Variants in VPS13B observed in about 807,000 individuals in gnomAD.
The protein encoded by VPS13B is intermembrane lipid transfer protein VPS13B.
In VPS13B, 285 loss-of-function variants were observed where a neutral mutation model predicts 426.4. That is an observed-to-expected ratio of 0.67 (90% CI 0.61 to 0.74). The LOEUF (loss-of-function observed/expected upper bound fraction) is 0.74. VPS13B is among the 30% of genes least tolerant of loss of function. The pLI, the probability that VPS13B is intolerant of heterozygous loss-of-function variation, is 0.00. For synonymous variants in VPS13B, 1,676 were observed against 1,676.4 expected (o/e 1.00, Z 0.01); for missense variants, 4,537 against 4,782.6 (o/e 0.95, Z 1.51).
At chr8:99,612,664 C>T (rs1827895528) in intron 33 of VPS13B, among the ~76,000 whole-genome samples, 3 of 152,112 alleles carry the variant, frequency 2.0e-5, no homozygotes. Flanking sequence ...CTCACAGAAA[C>T]CTGTGTAGTT....
chr8:99,450,316 A>G (rs1048517467), intron 23 of VPS13B, among the ~76,000 whole-genome samples: 2 of 152,212 alleles, frequency 1.3e-5, no homozygotes, highest in Non-Finnish European at 2.9e-5. Context: ...TTAATGATTC[A>G]TTGTCTATAT....
At chr8:99,658,966 A>T (rs1054020939) in intron 34 of VPS13B, among the ~76,000 whole-genome samples, 1 of 152,086 alleles carries the variant, frequency 6.6e-6, no homozygotes, top group Admixed American at 6.6e-5. Flanking sequence ...TGGGGACTAC[A>T]GGCATGGCAG....
rs747097247 is a variant in VPS13B, at chr8:99,326,452, CTTTTTTTTTTTTT to C, written c.2824+51216_2824+51228del. ...ATTTCTATCTATCATCTCTAGGTAG[CTTTTTTTTTTTTT>C]TTTTTTTTTTTTTTTTTGAGACAGA... On this transcript the variant is annotated intron_variant, in intron 19 of 61. Transcript: ENST00000357162. Among the ~76,000 whole-genome samples, 59 of 32,526 alleles carry C rather than the reference CTTTTTTTTTTTTT, an allele frequency of 1.8e-3. 5 individuals are homozygous for C. The highest frequency in any genetic ancestry group is 6.7e-3 in the African/African-American group (52 of 7,748). 21.3% of individuals were successfully genotyped at this position (32,526 alleles called of 152,430 possible). A position where few individuals can be genotyped will look rare whatever the true frequency, so the allele number is the denominator to read the frequency against.
rs71516839 is a variant in VPS13B, at chr8:99,489,460, G to A, written c.3870+7658G>A. ...TGAAGAAAGTCATTGGTAGCTTGAT[G>A]GGGATGGCATTGAACTTACAAATTA... On this transcript the variant is annotated intron_variant, in intron 25 of 61. Coordinates refer to ENST00000357162, the MANE Select transcript of VPS13B (RefSeq NM_152564.5). Among the ~76,000 whole-genome samples the A allele has an allele frequency of 7.3e-3, 1,103 of 152,078 alleles. 5 individuals carry two copies. The highest frequency in any genetic ancestry group is 0.014 in the Middle Eastern group (4 of 294).
intron 19 of VPS13B, among the ~76,000 whole-genome samples, chr8:99,284,734 G>GTGTGTCTA (rs112069581): frequency 6.6e-6 from 1 of 150,844 alleles, no homozygotes; most frequent in Non-Finnish European, 1.5e-5. Flanking sequence ...GTGTGTGTGT[G>GTGTGTCTA]TGTTTTTGTA....
chr8:99,507,523 A>G (rs887094624), intron 28 of VPS13B, among the ~76,000 whole-genome samples: 1 of 152,166 alleles, frequency 6.6e-6, no homozygotes, highest in Non-Finnish European at 1.5e-5. Context: ...ATGTGAGTTT[A>G]TGCTGGATTG....
rs193264953 is a variant in VPS13B at position 99,593,628 on chromosome 8, T to G, written c.5220+15995T>G. Among the ~76,000 whole-genome samples, 1,016 of 151,994 alleles carry G rather than the reference T, an allele frequency of 6.7e-3. 12 individuals are homozygous for G. Among genetic ancestry groups the G allele is most frequent in the African/African-American group, 0.023 (959 of 41,294 alleles). ...CACGTATATGTTCATTGCAGCACTA[T>G]TCACAATAGCAAAGACATGGAATCA... On this transcript the variant is annotated intron_variant, in intron 33 of 61. Transcript: ENST00000357162.
At chr8:99,576,017 G>A (rs981604585) in intron 32 of VPS13B, among the ~76,000 whole-genome samples, 12 of 151,908 alleles carry the variant, frequency 7.9e-5, no homozygotes, top group Non-Finnish European at 1.3e-4. Flanking sequence ...CCTCATATCC[G>A]TATTTTGTAG....
At chr8:99,797,174 GTTTCC>G (rs1402645589) in intron 43 of VPS13B, 1 of 152,158 alleles carries the variant, frequency 6.6e-6, no homozygotes, top group East Asian at 1.9e-4. Context: ...ATAAGGTATT[GTTTCC>G]ACAATATTTA....
intron 31 of VPS13B, among the ~76,000 whole-genome samples, chr8:99,569,866 G>T (rs2133795458): frequency 6.6e-6 from 1 of 152,092 alleles, no homozygotes; most frequent in Middle Eastern, 3.4e-3. Context: ...TCTGTTATTT[G>T]CTTAGAACCT....
intron 21 of VPS13B, among the ~76,000 whole-genome samples, chr8:99,416,051 A>C (rs549824898): frequency 6.6e-6 from 1 of 152,182 alleles, no homozygotes; most frequent in African/African-American, 2.4e-5. Flanking sequence ...TCCTAGGGAG[A>C]TGGGAGTTTT....
chr8:99,743,308 C>T (rs1809865568), intron 39 of VPS13B, among the ~76,000 whole-genome samples: 1 of 151,754 alleles, frequency 6.6e-6, no homozygotes, highest in African/African-American at 2.4e-5. Context: ...AACCACTGCT[C>T]AATGAAATAA....
At chr8:99,218,259 A>T (rs1314279326) in intron 17 of VPS13B, among the ~76,000 whole-genome samples, 1 of 152,210 alleles carries the variant, frequency 6.6e-6, no homozygotes, top group Non-Finnish European at 1.5e-5. Flanking sequence ...AAGAAATGTG[A>T]GTCCATATGT....
At chr8:99,368,820 G>A (rs1168779044) in intron 19 of VPS13B, among the ~76,000 whole-genome samples, 1 of 152,052 alleles carries the variant, frequency 6.6e-6, no homozygotes, top group Non-Finnish European at 1.5e-5. Context: ...TGTATTTCAT[G>A]CTCCCAGAAT....
chr8:99,717,026 G>A (rs536694985), intron 36 of VPS13B, 145 bp from the exon 37 acceptor site: 183 of 739,244 alleles, frequency 2.5e-4, no homozygotes, highest in Middle Eastern at 3.8e-4. Context: ...CTGTATAAAC[G>A]GCATGAAACG....
intron 19 of VPS13B, among the ~76,000 whole-genome samples, chr8:99,349,449 T>A (rs1438333952): frequency 6.7e-6 from 1 of 150,316 alleles, no homozygotes; most frequent in African/African-American, 2.4e-5. Context: ...TACCAAAAAC[T>A]AAATCTAGAA....
At chr8:99,371,033 T>C (rs1399689370) in intron 19 of VPS13B, among the ~76,000 whole-genome samples, 1 of 152,184 alleles carries the variant, frequency 6.6e-6, no homozygotes, top group African/African-American at 2.4e-5. Context: ...TTTTTAAACA[T>C]ATATCCTTCT....
chr8:99,563,624 G>A (rs11787264), intron 31 of VPS13B, among the ~76,000 whole-genome samples: 26,495 of 152,124 alleles, frequency 0.17, 2,825 homozygotes, highest in East Asian at 0.39. Flanking sequence ...CACAGAGTAT[G>A]GGTGCCTGCA....
intron 35 of VPS13B, among the ~76,000 whole-genome samples, chr8:99,693,899 A>G (rs1407241233): frequency 7.1e-6 from 1 of 140,318 alleles, no homozygotes; most frequent in Non-Finnish European, 1.5e-5. Flanking sequence ...TTATACACCA[A>G]CAACAGACAA....
Sources: gnomAD v4.1 joint callset for allele counts (sites outside exome capture counted in the v4.1 genomes callset) on GRCh38, gnomAD v4.1.1 for gene constraint, MANE v1.5 for transcripts, NCBI Gene and HGNC (gene_info 2026-07-23, HGNC 2026-07-21) for gene names.